The following GPR158 variants were observed in gnomAD, a reference collection of about 807,000 sequenced individuals.
The protein encoded by GPR158 is metabotropic glycine receptor.
A neutral mutation model predicts 78.2 loss-of-function variants in GPR158; 30 were observed. That is an observed-to-expected ratio of 0.38 (90% CI 0.29 to 0.52). The LOEUF (loss-of-function observed/expected upper bound fraction) is 0.52, where lower values mean the gene tolerates loss of function less well. GPR158 is among the 20% of genes least tolerant of loss of function. The pLI is 0.83. For synonymous variants in GPR158, 581 were observed against 591.1 expected (o/e 0.98, Z 0.25); for missense variants, 1,463 against 1,523.5 (o/e 0.96, Z 0.66).
rs1224534570 is a variant in GPR158, at chr10:25,432,215, A to G, written c.1335+19742A>G. Among the ~76,000 whole-genome samples the G allele has an allele frequency of 2.0e-5, 3 of 152,216 alleles. No individual in the cohort carries two copies. In the East Asian group the frequency reaches 5.8e-4, roughly 29 times the overall value. On this transcript the variant is annotated intron_variant, in intron 4 of 10. Transcript: ENST00000376351. ...GGCTAAGAGTATTAATCAGAACTTAATAAAAATATATTCTCTATTTCCACG... is the reference window on the plus strand; with the variant it reads ...GGCTAAGAGTATTAATCAGAACTTAGTAAAAATATATTCTCTATTTCCACG...
chr10:25,445,813 A>C (rs1835132814), intron 4 of GPR158, among the ~76,000 whole-genome samples: 1 of 152,070 alleles, frequency 6.6e-6, no homozygotes, highest in Non-Finnish European at 1.5e-5. Flanking sequence ...TCAGAGTTCT[A>C]ATTTGATTTT....
chr10:25,329,212 A>G (rs1588802303), intron 2 of GPR158, among the ~76,000 whole-genome samples: 2 of 152,076 alleles, frequency 1.3e-5, no homozygotes, highest in East Asian at 1.9e-4. Context: ...CGAGGCGGGC[A>G]GATCACGAGG....
chr10:25,532,147 T>C (rs1368734661), intron 5 of GPR158, among the ~76,000 whole-genome samples: 3 of 152,240 alleles, frequency 2.0e-5, no homozygotes, highest in Admixed American at 1.3e-4. Flanking sequence ...TTGCACATTT[T>C]CTTTAACCAA....
chr10:25,379,361 G>C (rs201710998), intron 2 of GPR158, among the ~76,000 whole-genome samples: 2 of 152,062 alleles, frequency 1.3e-5, no homozygotes, highest in Non-Finnish European at 2.9e-5. Context: ...ACTTGATATA[G>C]ACATATCACC....
chr10:25,298,971 A>G (rs1486785031), intron 2 of GPR158, among the ~76,000 whole-genome samples: 1 of 152,196 alleles, frequency 6.6e-6, no homozygotes, highest in African/African-American at 2.4e-5. Context: ...GAATATAACA[A>G]TGTACACACA....
At chr10:25,576,989 T>TCAGA (rs1837108533) in intron 7 of GPR158, among the ~76,000 whole-genome samples, 1 of 121,300 alleles carries the variant, frequency 8.2e-6, no homozygotes, top group African/African-American at 3.3e-5. Flanking sequence ...AAAAAAAAAG[T>TCAGA]CAGGGCACAT....
At chr10:25,550,469 G>A (rs868737289) in intron 5 of GPR158, among the ~76,000 whole-genome samples, 23 of 152,114 alleles carry the variant, frequency 1.5e-4, no homozygotes, top group Admixed American at 4.6e-4. Context: ...GAAGTGTGGA[G>A]GTGGGAACAA....
chr10:25,284,450 T>G (rs1854318856), intron 2 of GPR158, among the ~76,000 whole-genome samples: 1 of 151,974 alleles, frequency 6.6e-6, no homozygotes, highest in African/African-American at 2.4e-5. Context: ...TCTAGTTTTG[T>G]TTTAATTCAT....
At chr10:25,428,530 A>G (rs962173775) in intron 4 of GPR158, among the ~76,000 whole-genome samples, 4 of 152,050 alleles carry the variant, frequency 2.6e-5, no homozygotes, top group African/African-American at 9.7e-5. Flanking sequence ...TATGTACTCC[A>G]AAGTCAAGCT....
At chr10:25,293,028 C>T (rs1394226012) in intron 2 of GPR158, among the ~76,000 whole-genome samples, 2 of 152,168 alleles carry the variant, frequency 1.3e-5, no homozygotes, top group Non-Finnish European at 2.9e-5. Context: ...AAAGACAGCA[C>T]ACAAAAGTTA....
chr10:25,379,265 G>A (rs1046774899), intron 2 of GPR158, among the ~76,000 whole-genome samples: 3 of 151,908 alleles, frequency 2.0e-5, no homozygotes, highest in Non-Finnish European at 4.4e-5. Flanking sequence ...TGTAATTTGA[G>A]ATTGAATGTC....
chr10:25,462,268 C>A (rs1286051699), intron 4 of GPR158, among the ~76,000 whole-genome samples: 2 of 152,254 alleles, frequency 1.3e-5, no homozygotes, highest in South Asian at 2.1e-4. Flanking sequence ...CTATTTATAG[C>A]ATGATTTACT....
chr10:25,596,798 A>T lies in GPR158; in HGVS notation c.2145+9A>T. The T allele has an allele frequency of 6.2e-7, 1 of 1,609,768 alleles. No individual in the cohort carries two copies. The highest frequency in any genetic ancestry group is 8.5e-7 in the Non-Finnish European group (1 of 1,177,070). On this transcript the variant is annotated intron_variant, in intron 10 of 10. Coordinates refer to ENST00000376351, the MANE Select transcript of GPR158 (RefSeq NM_020752.3). ...ATCCAGAGGACATTCGGGTAATGCC[A>T]GTACTCTATCTTTCTTCCTATTTCA...
chr10:25,501,610 G>A (rs1352174998), intron 5 of GPR158, among the ~76,000 whole-genome samples: 1 of 152,152 alleles, frequency 6.6e-6, no homozygotes, highest in African/African-American at 2.4e-5. Context: ...GCTGTGGACT[G>A]GGGCTGCACC....
intron 2 of GPR158, among the ~76,000 whole-genome samples, chr10:25,371,384 G>T (rs900385336): frequency 1.3e-5 from 2 of 151,570 alleles, no homozygotes; most frequent in African/African-American, 4.8e-5. Context: ...AATCTAAAGA[G>T]CCCGCATCGC....
intron 2 of GPR158, among the ~76,000 whole-genome samples, chr10:25,343,368 G>T (rs1486991514): frequency 6.6e-6 from 1 of 151,954 alleles, no homozygotes. Flanking sequence ...GAATGTAAAA[G>T]ATCTGTGTCA....
At chr10:25,338,519 ACGT>A (rs1186457415) in intron 2 of GPR158, among the ~76,000 whole-genome samples, 8 of 130,456 alleles carry the variant, frequency 6.1e-5, no homozygotes, top group Non-Finnish European at 1.2e-4. Flanking sequence ...CGTATAATAT[ACGT>A]ATATTACGTA....
chr10:25,528,779 A>T (rs1027768881), intron 5 of GPR158, among the ~76,000 whole-genome samples: 1 of 152,208 alleles, frequency 6.6e-6, no homozygotes, highest in African/African-American at 2.4e-5. Flanking sequence ...TCTAAAATTT[A>T]TATAGAAAAT....
intron 2 of GPR158, among the ~76,000 whole-genome samples, chr10:25,259,775 A>G (rs781443144): frequency 6.6e-6 from 1 of 152,092 alleles, no homozygotes; most frequent in Non-Finnish European, 1.5e-5. Context: ...TAAAGTTTGT[A>G]ATATTCTTTA....
Sources: allele counts gnomAD v4.1 joint callset (sites outside exome capture counted in the v4.1 genomes callset), GRCh38; gene constraint gnomAD v4.1.1; transcripts MANE v1.5; gene names NCBI Gene and HGNC (gene_info 2026-07-23, HGNC 2026-07-21).